Variants in AGAP3 observed in about 807,000 individuals in gnomAD.
The protein encoded by AGAP3 is ArfGAP with GTPase domain, ankyrin repeat and PH domain 3, also known as arf-GAP with GTPase, ANK repeat and PH domain-containing protein 3.
A neutral mutation model predicts 96.9 loss-of-function variants in AGAP3; 24 were observed. The observed-to-expected ratio is 0.25, with a 90% CI of 0.18 to 0.35. The LOEUF is 0.35. Among genes scored for constraint, AGAP3 ranks in the 10% least tolerant of loss-of-function variants. The probability of loss-of-function intolerance (pLI) is 1.00; values close to 1 mark genes in which losing one functional copy is unlikely to be tolerated. For synonymous variants in AGAP3, 563 were observed against 536.1 expected (o/e 1.05, Z -0.69); for missense variants, 876 against 1,254.2 (o/e 0.70, Z 4.55).
In AGAP3 at chr7:151,114,763, C is replaced by G; in HGVS notation, c.332-2030C>G. On this transcript the variant is annotated intron_variant, in intron 1 of 17. Transcript: ENST00000397238. The surrounding 1 kb of genome is among the most constrained non-coding windows in gnomAD (Gnocchi z 4.4). The stretch of plus-strand genomic sequence containing the variant: ...CATGGGCCTGGCCCGCGCCCGCCGG[C>G]CCTGAGCATGGAGCGGGGCTGGCCG... 9.8e-7 allele frequency: 1 copy of G among 1,021,492 alleles called. No individual in the cohort carries two copies. The highest frequency in any genetic ancestry group is 1.2e-6 in the Non-Finnish European group (1 of 854,752). The allele number at this position is 1,021,492 out of a possible 1,614,324, so 63.3% of individuals were successfully genotyped here. A position where few individuals can be genotyped will look rare whatever the true frequency, so the allele number is the denominator to read the frequency against.
intron 12 of AGAP3, 69 bp downstream of exon 12, chr7:151,138,382 A>T (rs1800688914): frequency 6.7e-7 from 1 of 1,492,638 alleles, no homozygotes; most frequent in African/African-American, 1.4e-5. Context: ...GGAACTGGGC[A>T]GCATTCTTGG....
chr7:151,136,469 CAT>C (rs968151067), intron 11 of AGAP3: 4 of 152,286 alleles, frequency 2.6e-5, no homozygotes, highest in Non-Finnish European at 4.4e-5. Context: ...CACACTCACA[CAT>C]GTCTCTCACT....
intron 1 of AGAP3, among the ~76,000 whole-genome samples, chr7:151,091,547 AC>A (rs773247977): frequency 2.6e-5 from 4 of 152,200 alleles, no homozygotes; most frequent in Non-Finnish European, 5.9e-5. Context: ...CCTGGAGAGA[AC>A]GACTCAGCCT....
chr7:151,093,331 G>A (rs1457062423), intron 1 of AGAP3, among the ~76,000 whole-genome samples: 2 of 152,100 alleles, frequency 1.3e-5, no homozygotes, highest in African/African-American at 4.8e-5. Flanking sequence ...TGTAGAGATG[G>A]GGTCTTGCTA....
chr7:151,127,592 G>C (rs1232999052), intron 9 of AGAP3, among the ~76,000 whole-genome samples: 2 of 152,182 alleles, frequency 1.3e-5, no homozygotes, highest in Non-Finnish European at 2.9e-5. Context: ...TGGTGATGCT[G>C]GTCCTGGATC....
In AGAP3 at chr7:151,118,733, C is replaced by A; in HGVS notation, c.969+101C>A. Reference sequence around the variant, plus strand: ...CTGGCCTCCTGCTCACACCTGTCCACCTTCCTCTGGCCTCCCAGCCTTGCA... The same window carrying A: ...CTGGCCTCCTGCTCACACCTGTCCAACTTCCTCTGGCCTCCCAGCCTTGCA... On this transcript the variant is annotated intron_variant, in intron 7 of 17. Coordinates refer to ENST00000397238, the MANE Select transcript of AGAP3 (RefSeq NM_031946.7). The surrounding 1 kb of genome is among the most constrained non-coding windows in gnomAD (Gnocchi z 6.1). The A allele has an allele frequency of 6.9e-7, 1 of 1,452,612 alleles. No homozygotes were observed. The highest frequency in any genetic ancestry group is 9.4e-7 in the Non-Finnish European group (1 of 1,061,828). 90.0% of individuals were successfully genotyped at this position (1,452,612 alleles called of 1,614,324 possible). A position where few individuals can be genotyped will look rare whatever the true frequency, so the allele number is the denominator to read the frequency against.
chr7:151,086,948 C>G lies in AGAP3; in HGVS notation c.207C>G (p.Ile69Met). The change falls in exon 1 of 18, where the codon ATC becomes ATG. Residue 69 changes from isoleucine (I) to methionine (M), a missense_variant. This residue lies in a region of AGAP3 where 62 missense variants were observed against 82.8 expected (regional missense o/e 0.75). Coordinates refer to ENST00000397238, the MANE Select transcript of AGAP3 (RefSeq NM_031946.7). ...QQFALSNSAA[I>M]RAEIQRFESV... is the part of the protein sequence containing the mutation. ...TCGCGCTCTCCAACTCCGCGGCCATCCGGGCCGAGATCCAGCGCTTCGAGT... is the reference window on the plus strand; with the variant it reads ...TCGCGCTCTCCAACTCCGCGGCCATGCGGGCCGAGATCCAGCGCTTCGAGT... 1 of 1,611,130 alleles carries G rather than the reference C, an allele frequency of 6.2e-7. No individual in the cohort carries two copies. Among genetic ancestry groups the G allele is most frequent in the Non-Finnish European group, 8.5e-7 (1 of 1,178,898 alleles).
chr7:151,117,139 C>T lies in AGAP3; in HGVS notation c.435C>T (p.His145=), dbSNP rs1455576182. ...CTAGCGGGAAGTCAGCCCTGGTGCACCGCTATCTGACGGGGACCTATGTCC... is the reference window on the plus strand; with the variant it reads ...CTAGCGGGAAGTCAGCCCTGGTGCATCGCTATCTGACGGGGACCTATGTCC... The part of the protein sequence containing the change: ...NLSSGKSALV[H]RYLTGTYVQE... Residue 145 remains histidine, a synonymous_variant, in exon 3 of 18, where the codon CAC becomes CAT. Transcript: ENST00000397238. 2 of 1,614,036 alleles carry T rather than the reference C, an allele frequency of 1.2e-6. No individual in the cohort carries two copies. The highest frequency in any genetic ancestry group is 2.7e-5 in the African/African-American group (2 of 74,942).
chr7:151,141,907 A>C lies in AGAP3; in HGVS notation c.1814A>C (p.Glu605Ala), dbSNP rs1248440499. The change falls in exon 14 of 18, where the codon GAG (glutamate) becomes GCG (alanine). Residue 605 changes from glutamate (E) to alanine (A), a missense_variant. Physicochemically the swap from Glu to Ala is moderately radical, Grantham distance 107 (BLOSUM62 -1). Around this residue, in one of 8 missense-constraint regions of AGAP3, gnomAD observed 103 missense variants for 183.0 expected, o/e 0.56. Transcript: ENST00000397238. The surrounding 1 kb of genome is among the most constrained non-coding windows in gnomAD (Gnocchi z 4.2). ...AACACCCCCCCAACAGAGGCAGAGGAGTCGTTTGAATTTGTGGTGGTGTCC... is the reference window on the plus strand; with the variant it reads ...AACACCCCCCCAACAGAGGCAGAGGCGTCGTTTGAATTTGTGGTGGTGTCC... ...GPSSATEEAE[E>A]SFEFVVVSLT... is the part of the protein sequence containing the mutation. The C allele has an allele frequency of 6.2e-7, 1 of 1,614,052 alleles. No homozygotes were observed. Among genetic ancestry groups the C allele is most frequent in the Non-Finnish European group, 8.5e-7 (1 of 1,179,974 alleles).
Position 151,118,141 on chromosome 7 carries a change from A to T in AGAP3, c.707-69A>T, listed in dbSNP as rs1303929111. 6.5e-7 allele frequency: 1 copy of T among 1,542,368 alleles called. No homozygotes were observed. Among genetic ancestry groups the T allele is most frequent in the African/African-American group, 1.4e-5 (1 of 72,836 alleles). On this transcript the variant is annotated intron_variant, in intron 5 of 17. Transcript: ENST00000397238. This position sits in a 1 kb window ranked among gnomAD's most constrained non-coding sequence, Gnocchi z 6.1. ...CCTTTGCACACCTGCCCTTGGGCCA[A>T]ATGCCCCCCACCACACTACCCCAGC... is the stretch of plus-strand genomic sequence containing the variant.
chr7:151,118,435 G>C lies in AGAP3; in HGVS notation c.842-70G>C, dbSNP rs1283582686. 1.5e-5 allele frequency: 24 copies of C among 1,598,632 alleles called. No individual in the cohort carries two copies. The highest frequency in any genetic ancestry group is 2.1e-5 in the Non-Finnish European group (24 of 1,169,212). Reference sequence around the variant, plus strand: ...CCAGTGAGAGCAAGGCTGTGTGTCTGGGGGGAGGTGCTAAGCCAGGCTTTT... The same window carrying C: ...CCAGTGAGAGCAAGGCTGTGTGTCTCGGGGGAGGTGCTAAGCCAGGCTTTT... On this transcript the variant is annotated intron_variant, in intron 6 of 17. Transcript: ENST00000397238. The surrounding 1 kb of genome is among the most constrained non-coding windows in gnomAD (Gnocchi z 6.1).
Position 151,118,586 on chromosome 7 carries a change from A to G in AGAP3, c.923A>G (p.His308Arg). The G allele has an allele frequency of 1.2e-6, 2 of 1,613,872 alleles. No individual in the cohort carries two copies. The highest frequency in any genetic ancestry group is 1.7e-6 in the Non-Finnish European group (2 of 1,179,984). ...PCKSLPNSPS[H>R]SAVSAASIPA... ...AAGTCACTGCCCAACTCGCCCAGCC[A>G]CTCGGCCGTGTCCGCCGCCTCCATC... The change falls in exon 7 of 18, where the codon CAC becomes CGC. Residue 308 changes from histidine (H) to arginine (R), a missense_variant. His to Arg is a conservative substitution (Grantham distance 29). Coordinates refer to ENST00000397238, the MANE Select transcript of AGAP3 (RefSeq NM_031946.7). The surrounding 1 kb of genome is among the most constrained non-coding windows in gnomAD (Gnocchi z 6.1).
chr7:151,131,257 A>G (rs536088745), intron 10 of AGAP3: 2 of 152,184 alleles, frequency 1.3e-5, no homozygotes, highest in African/African-American at 4.8e-5. Flanking sequence ...CCATTCACAC[A>G]ATCACCTTCT....
In AGAP3 at chr7:151,118,108, C is replaced by T. The variant is rs1455438856; in HGVS notation, c.707-102C>T. ...TTCTTGGTGCTCTGTGTGTTCCACT[C>T]ACCAGGCCCTTTGCACACCTGCCCT... On this transcript the variant is annotated intron_variant, in intron 5 of 17. Transcript: ENST00000397238. This position sits in a 1 kb window ranked among gnomAD's most constrained non-coding sequence, Gnocchi z 6.1. 2.1e-6 allele frequency: 3 copies of T among 1,461,832 alleles called. No homozygotes were observed. The highest frequency in any genetic ancestry group is 2.8e-6 in the Non-Finnish European group (3 of 1,077,538). 90.6% of individuals were successfully genotyped at this position (1,461,832 alleles called of 1,614,324 possible). A position where few individuals can be genotyped will look rare whatever the true frequency, so the allele number is the denominator to read the frequency against.
chr7:151,094,026 C>T (rs1356372491), intron 1 of AGAP3, among the ~76,000 whole-genome samples: 5 of 152,152 alleles, frequency 3.3e-5, no homozygotes, highest in African/African-American at 1.2e-4. Context: ...GATGCGCCCC[C>T]CTTGGAGCCC....
At chr7:151,112,396 CGTG>C (rs1799329929) in intron 1 of AGAP3, among the ~76,000 whole-genome samples, 1 of 139,848 alleles carries the variant, frequency 7.2e-6, no homozygotes. Context: ...TTCCCCGAGA[CGTG>C]TGTGTGTGTG....
chr7:151,119,426 C>T (rs34389711), intron 7 of AGAP3, among the ~76,000 whole-genome samples: 9,274 of 152,292 alleles, frequency 0.061, 759 homozygotes, highest in East Asian at 0.23. Context: ...CTTCTCTGTT[C>T]CACATCCACA....
intron 1 of AGAP3, among the ~76,000 whole-genome samples, chr7:151,088,430 G>A (rs560585243): frequency 6.6e-6 from 1 of 152,340 alleles, no homozygotes; most frequent in South Asian, 2.1e-4. Flanking sequence ...GCTGTGGCTG[G>A]GGACTAGGAG....
chr7:151,116,892 G>T, intron 2 of AGAP3, 41 bp downstream of exon 2: 2 of 1,612,484 alleles, frequency 1.2e-6, no homozygotes, highest in South Asian at 1.1e-5. Context: ...CCTGGAGCTG[G>T]GGGGGCGAGG....
Sources: allele counts gnomAD v4.1 joint callset (sites outside exome capture counted in the v4.1 genomes callset), GRCh38; gene constraint gnomAD v4.1.1; regional missense constraint gnomAD v4.1.1; non-coding constraint Gnocchi (gnomAD v3.1); transcripts MANE v1.5; gene names NCBI Gene and HGNC (gene_info 2026-07-23, HGNC 2026-07-21).